MAL2: variants seen among roughly 807,000 people sequenced by gnomAD.
MAL2 encodes protein MAL2.
Under a neutral mutation model 18.1 loss-of-function variants are expected in MAL2, and 17 were observed. The observed-to-expected ratio is 0.94, with a 90% CI of 0.64 to 1.41. The LOEUF (loss-of-function observed/expected upper bound fraction) is 1.41, where lower values mean the gene tolerates loss of function less well. Ranked by LOEUF, MAL2 falls within the 40% of genes most tolerant of loss-of-function variation. The pLI, the probability that MAL2 is intolerant of heterozygous loss-of-function variation, is 0.00. For synonymous variants in MAL2, 102 were observed against 102.3 expected (o/e 1.00, Z 0.02); for missense variants, 222 against 231.9 (o/e 0.96, Z 0.28).
chr8:119,239,993 G>A lies in MAL2; in HGVS notation c.304-172G>A, dbSNP rs551648493. Among the ~76,000 whole-genome samples the A allele has an allele frequency of 1.5e-3, 230 of 152,222 alleles. 2 individuals carry two copies. In the South Asian group the frequency reaches 0.023, roughly 15 times the overall value. On this transcript the variant is annotated intron_variant, in intron 2 of 3. Transcript: ENST00000614891. The stretch of plus-strand genomic sequence containing the variant: ...AATTAAGATGGGTCAGTTGATTTTC[G>A]CTTGGGTTCTGATAGTCTAACATTT...
intron 1 of MAL2, among the ~76,000 whole-genome samples, chr8:119,219,868 T>C (rs1461626273): frequency 6.6e-6 from 1 of 152,032 alleles, no homozygotes; most frequent in East Asian, 1.9e-4. Flanking sequence ...CAGGGGTGGA[T>C]CTCAGGAAAA....
Position 119,226,409 on chromosome 8 carries a change from C to G in MAL2, c.303+4652C>G, listed in dbSNP as rs569571610. ...ATTCAATAGGGAATCCTTTCCCCCC[C>G]TTTTTTTTTTTAACTAGTAGATGGA... On this transcript the variant is annotated intron_variant, in intron 2 of 3. Coordinates refer to ENST00000614891, the MANE Select transcript of MAL2 (RefSeq NM_052886.3). Among the ~76,000 whole-genome samples, 45 of 140,040 alleles carry G rather than the reference C, an allele frequency of 3.2e-4. 1 individual carries two copies. Among genetic ancestry groups the G allele is most frequent in the African/African-American group, 1.2e-3 (45 of 38,150 alleles). The allele number at this position is 140,040 out of a possible 152,430, so 91.9% of individuals were successfully genotyped here. A position where few individuals can be genotyped will look rare whatever the true frequency, so the allele number is the denominator to read the frequency against.
intron 1 of MAL2, among the ~76,000 whole-genome samples, chr8:119,213,504 T>TA (rs909452163): frequency 6.6e-6 from 1 of 152,146 alleles, no homozygotes; most frequent in African/African-American, 2.4e-5. Flanking sequence ...GCCTCTGGAT[T>TA]AAAAATCTTC....
chr8:119,217,850 C>T (rs1441564344), intron 1 of MAL2, among the ~76,000 whole-genome samples: 1 of 152,102 alleles, frequency 6.6e-6, no homozygotes, highest in Non-Finnish European at 1.5e-5. Context: ...GTTTTGCAAA[C>T]ACTCTAAGCT....
intron 1 of MAL2, among the ~76,000 whole-genome samples, chr8:119,212,372 C>G (rs926523418): frequency 2.0e-5 from 3 of 152,158 alleles, no homozygotes; most frequent in Non-Finnish European, 4.4e-5. Flanking sequence ...GGGAGATACT[C>G]TAGGATTCTT....
In MAL2 at chr8:119,221,571, T is replaced by C. The variant is rs1228802755; in HGVS notation, c.133-16T>C. On this transcript the variant is annotated splice_polypyrimidine_tract_variant and intron_variant, in intron 1 of 3. Coordinates refer to ENST00000614891, the MANE Select transcript of MAL2 (RefSeq NM_052886.3). ...TATCTTTTAAGCAAACCAATTACCC[T>C]CTTTTTCTCTTTCAGCTGTTCGGGG... 3.1e-6 allele frequency: 5 copies of C among 1,613,042 alleles called. No homozygotes were observed. Among genetic ancestry groups the C allele is most frequent in the Non-Finnish European group, 4.2e-6 (5 of 1,179,534 alleles).
intron 2 of MAL2, 56 bp downstream of exon 2, chr8:119,221,813 A>G: frequency 1.9e-6 from 3 of 1,567,008 alleles, no homozygotes; most frequent in South Asian, 1.1e-5. Flanking sequence ...CCTGTATCCT[A>G]TTCTGTTCTG....
At chr8:119,239,060 G>T (rs1587143916) in intron 2 of MAL2, among the ~76,000 whole-genome samples, 2 of 151,632 alleles carry the variant, frequency 1.3e-5, no homozygotes, top group African/African-American at 4.9e-5. Context: ...AATCTACAAT[G>T]AACTCAAACA....
At chr8:119,225,300 G>A (rs1817564840) in intron 2 of MAL2, among the ~76,000 whole-genome samples, 1 of 151,774 alleles carries the variant, frequency 6.6e-6, no homozygotes, top group Admixed American at 6.6e-5. Flanking sequence ...GCCCCGGTGT[G>A]TGATGTTCCC....
chr8:119,237,245 T>C (rs1307814237), intron 2 of MAL2, among the ~76,000 whole-genome samples: 5 of 150,720 alleles, frequency 3.3e-5, no homozygotes, highest in African/African-American at 1.2e-4. Flanking sequence ...CAGGAAGAAG[T>C]TGAATCTCTG....
chr8:119,223,284 C>T (rs1563771420), intron 2 of MAL2: 2 of 152,270 alleles, frequency 1.3e-5, no homozygotes, highest in South Asian at 2.1e-4. Flanking sequence ...AGTGGAGTAC[C>T]GTGGTTACAG....
Position 119,245,664 on chromosome 8 carries a change from C to G in MAL2, c.*2176C>G, listed in dbSNP as rs1818138043. 6.6e-6 allele frequency: 1 copy of G among 152,088 alleles called. No homozygotes were observed. The highest frequency in any genetic ancestry group is 1.5e-5 in the Non-Finnish European group (1 of 68,014). 9.4% of individuals were successfully genotyped at this position (152,088 alleles called of 1,614,324 possible). A position where few individuals can be genotyped will look rare whatever the true frequency, so the allele number is the denominator to read the frequency against. On this transcript the variant is annotated 3_prime_UTR_variant, in exon 4 of 4. Transcript: ENST00000614891. ...CGTGTTATGTCTCTAATAAAGTATTCATTTGATAATCTTTGTGGTCATCTT... is the reference window on the plus strand; with the variant it reads ...CGTGTTATGTCTCTAATAAAGTATTGATTTGATAATCTTTGTGGTCATCTT...
At chr8:119,232,953 CAGTT>C (rs1414920726) in intron 2 of MAL2, among the ~76,000 whole-genome samples, 1 of 152,080 alleles carries the variant, frequency 6.6e-6, no homozygotes, top group African/African-American at 2.4e-5. Flanking sequence ...GGCTGAGAGA[CAGTT>C]TGTTATAATT....
chr8:119,222,060 A>G (rs1405645988), intron 2 of MAL2, among the ~76,000 whole-genome samples: 1 of 152,226 alleles, frequency 6.6e-6, no homozygotes, highest in African/African-American at 2.4e-5. Flanking sequence ...TTATCAAACA[A>G]TTGAACAAAT....
At position 119,208,636 on chromosome 8, in the gene MAL2, G is replaced by T; in HGVS notation, c.132+32G>T. On this transcript the variant is annotated intron_variant, in intron 1 of 3. Coordinates refer to ENST00000614891, the MANE Select transcript of MAL2 (RefSeq NM_052886.3). This position sits in a 1 kb window ranked among gnomAD's most constrained non-coding sequence, Gnocchi z 4.3. Reference sequence around the variant, plus strand: ...GGGGCCGCCGGAGCGAGGGTCGCGCGGGGAGCGAGGACAGGCGGCGGCATC... The same window carrying T: ...GGGGCCGCCGGAGCGAGGGTCGCGCTGGGAGCGAGGACAGGCGGCGGCATC... 1 of 1,282,632 alleles carries T rather than the reference G, an allele frequency of 7.8e-7. No homozygotes were observed. Among genetic ancestry groups the T allele is most frequent in the South Asian group, 2.6e-5 (1 of 38,628 alleles). The allele number at this position is 1,282,632 out of a possible 1,614,324, so 79.5% of individuals were successfully genotyped here. A position where few individuals can be genotyped will look rare whatever the true frequency, so the allele number is the denominator to read the frequency against.
At chr8:119,220,610 A>G (rs1817447193) in intron 1 of MAL2, among the ~76,000 whole-genome samples, 2 of 152,242 alleles carry the variant, frequency 1.3e-5, no homozygotes, top group South Asian at 4.2e-4. Flanking sequence ...AGTCTCCAGT[A>G]CAGTTCTCTC....
chr8:119,232,070 C>CAAAA (rs200938995), intron 2 of MAL2, among the ~76,000 whole-genome samples: 1 of 150,262 alleles, frequency 6.7e-6, no homozygotes, highest in African/African-American at 2.5e-5. Context: ...GTTCTCACCA[C>CAAAA]AAAAAAAAGA....
intron 2 of MAL2, among the ~76,000 whole-genome samples, chr8:119,237,471 C>A (rs963661081): frequency 8.6e-5 from 13 of 151,562 alleles, no homozygotes; most frequent in East Asian, 5.8e-4. Flanking sequence ...CAAAGCCGGG[C>A]AGAGAGACAA....
At chr8:119,210,575 C>T (rs1817253739) in intron 1 of MAL2, among the ~76,000 whole-genome samples, 1 of 152,098 alleles carries the variant, frequency 6.6e-6, no homozygotes, top group African/African-American at 2.4e-5. Flanking sequence ...TTAAAGCTTC[C>T]CTGGTGATTC....
Sources: gnomAD v4.1 joint callset for allele counts (sites outside exome capture counted in the v4.1 genomes callset) on GRCh38, gnomAD v4.1.1 for gene constraint, Gnocchi (gnomAD v3.1) non-coding constraint, MANE v1.5 for transcripts, NCBI Gene and HGNC (gene_info 2026-07-23, HGNC 2026-07-21) for gene names.